CA10: variants seen among roughly 807,000 people sequenced by gnomAD.
CA10 encodes the protein carbonic anhydrase-related protein 10.
A neutral mutation model predicts 44.2 loss-of-function variants in CA10; 14 were observed. The ratio of observed to expected loss-of-function variants is 0.32; its 90% CI spans 0.21 to 0.50. The LOEUF is 0.50. Among genes scored for constraint, CA10 ranks in the 20% least tolerant of loss-of-function variants. CA10 has a pLI of 0.99. For missense variants in CA10, 350 were observed against 409.7 expected (o/e 0.85, Z 1.26); for synonymous variants, 159 against 141.6 (o/e 1.12, Z -0.87).
intron 2 of CA10, among the ~76,000 whole-genome samples, chr17:51,986,560 G>A (rs924917837): frequency 2.0e-5 from 3 of 151,836 alleles, no homozygotes; most frequent in African/African-American, 7.2e-5. Context: ...GGAAGAGTTA[G>A]CAGAGCAGAC....
intron 2 of CA10, among the ~76,000 whole-genome samples, chr17:52,060,695 T>C (rs1987359637): frequency 6.6e-6 from 1 of 152,226 alleles, no homozygotes; most frequent in South Asian, 2.1e-4. Context: ...ATCTGGCATA[T>C]AGCCTTTTAT....
intron 3 of CA10, among the ~76,000 whole-genome samples, chr17:51,924,984 C>T (rs1201349057): frequency 6.6e-6 from 1 of 152,168 alleles, no homozygotes; most frequent in Non-Finnish European, 1.5e-5. Flanking sequence ...AAATCAGCTT[C>T]TTTGAGATAA....
intron 4 of CA10, among the ~76,000 whole-genome samples, chr17:51,709,176 A>G (rs1313154424): frequency 2.0e-5 from 3 of 152,266 alleles, no homozygotes; most frequent in Admixed American, 2.0e-4. Context: ...TCTAGCAAAT[A>G]TATTTTGAGC....
At chr17:51,758,157 T>C (rs1482803015) in intron 3 of CA10, among the ~76,000 whole-genome samples, 1 of 152,176 alleles carries the variant, frequency 6.6e-6, no homozygotes, top group African/African-American at 2.4e-5. Context: ...TCAGCCTGTG[T>C]TTCCTCTGTA....
chr17:51,765,449 C>T (rs750996458), intron 3 of CA10, among the ~76,000 whole-genome samples: 4 of 152,188 alleles, frequency 2.6e-5, no homozygotes, highest in Admixed American at 6.5e-5. Context: ...ACTGCAGGGT[C>T]ACCGTCTTCC....
chr17:52,078,178 C>T (rs926129840), intron 1 of CA10, among the ~76,000 whole-genome samples: 126 of 152,256 alleles, frequency 8.3e-4, no homozygotes, highest in African/African-American at 2.9e-3. Context: ...TGCGAAATAC[C>T]TCCATTTGGA....
chr17:52,052,252 C>T (rs1204135218), intron 2 of CA10, among the ~76,000 whole-genome samples: 1 of 145,754 alleles, frequency 6.9e-6, no homozygotes, highest in Admixed American at 7.0e-5. Flanking sequence ...ACCTAGGTAA[C>T]AAACAAACCT....
rs142627919 is a variant in CA10 at position 51,788,602 on chromosome 17, C to T, written c.280-40784G>A. On this transcript the variant is annotated intron_variant, in intron 3 of 8. Coordinates refer to ENST00000451037, the MANE Select transcript of CA10 (RefSeq NM_020178.5). The stretch of plus-strand genomic sequence containing the variant: ...AAATATCACATACACTCCATAAATA[C>T]GTGCAATTATTATGTATCAGCAAAA... Among the ~76,000 whole-genome samples, 37 of 152,260 alleles carry T rather than the reference C, an allele frequency of 2.4e-4. 2 individuals carry two copies. The East Asian group carries it at 6.9e-3, about 29-fold the overall frequency.
Position 51,827,154 on chromosome 17 carries a change from C to T in CA10, c.280-79336G>A, listed in dbSNP as rs537569422. Among the ~76,000 whole-genome samples, 436 of 152,256 alleles carry T rather than the reference C, an allele frequency of 2.9e-3. 1 individual carries two copies. The highest frequency in any genetic ancestry group is 4.6e-3 in the Non-Finnish European group (313 of 68,018). ...TTACCAGTTTTGGCAAAGTGAATACCATGGAACATTCAATCTAATGGATAG... is the reference window on the plus strand; with the variant it reads ...TTACCAGTTTTGGCAAAGTGAATACTATGGAACATTCAATCTAATGGATAG... On this transcript the variant is annotated intron_variant, in intron 3 of 8. Transcript: ENST00000451037.
In CA10 at chr17:51,831,730, CAGAAAA is replaced by C. The variant is rs1436979921; in HGVS notation, c.280-83918_280-83913del. Among the ~76,000 whole-genome samples the C allele has an allele frequency of 1.4e-3, 212 of 146,212 alleles. 1 individual carries two copies. Among genetic ancestry groups the C allele is most frequent in the South Asian group, 5.7e-3 (25 of 4,388 alleles). On this transcript the variant is annotated intron_variant, in intron 3 of 8. Transcript: ENST00000451037. ...GCAGCAGCAGCAGCAGCAGCAGCAG[CAGAAAA>C]AGACCTTCCTTCCACCTTATTTTTC...
intron 1 of CA10, among the ~76,000 whole-genome samples, chr17:52,138,237 C>G (rs1989402096): frequency 6.6e-6 from 1 of 152,158 alleles, no homozygotes; most frequent in South Asian, 2.1e-4. Context: ...CTCACATCTT[C>G]TTTTTCTGAC....
chr17:51,829,482 A>T (rs1055717842), intron 3 of CA10, among the ~76,000 whole-genome samples: 9 of 152,146 alleles, frequency 5.9e-5, no homozygotes, highest in African/African-American at 2.2e-4. Flanking sequence ...AGCCATGAGG[A>T]GCTACGTTGA....
At chr17:51,649,928 G>A (rs1424547603) in intron 5 of CA10, among the ~76,000 whole-genome samples, 2 of 150,302 alleles carry the variant, frequency 1.3e-5, no homozygotes, top group Admixed American at 6.6e-5. Flanking sequence ...CATGAATTGA[G>A]TATATCATAA....
intron 3 of CA10, among the ~76,000 whole-genome samples, chr17:51,910,898 T>C (rs1005848656): frequency 5.3e-5 from 8 of 152,130 alleles, no homozygotes; most frequent in African/African-American, 1.2e-4. Flanking sequence ...AGGGGACACA[T>C]TTGGTCTGTA....
At position 51,685,571 on chromosome 17, in the gene CA10, G is replaced by A. The variant is rs148854404; in HGVS notation, c.466-31835C>T. On this transcript the variant is annotated intron_variant, in intron 4 of 8. Transcript: ENST00000451037. ...CTGAGCCTTGCAATCAAATGCAGAG[G>A]GACCCAGATCACTGAAGGACTTGGG... 1.3e-3 allele frequency among the ~76,000 whole-genome samples: 193 copies of A among 152,258 alleles called. 1 individual carries two copies. The highest frequency in any genetic ancestry group is 4.5e-3 in the African/African-American group (187 of 41,544).
intron 2 of CA10, among the ~76,000 whole-genome samples, chr17:52,056,964 G>A (rs1987246061): frequency 6.6e-6 from 1 of 151,998 alleles, no homozygotes; most frequent in Non-Finnish European, 1.5e-5. Flanking sequence ...GGAATATGTG[G>A]TACAACAGCG....
At chr17:51,849,460 C>T (rs932428581) in intron 3 of CA10, among the ~76,000 whole-genome samples, 10 of 151,606 alleles carry the variant, frequency 6.6e-5, no homozygotes, top group Non-Finnish European at 1.0e-4. Flanking sequence ...CTTTGAGTGC[C>T]TTGGATGCTG....
chr17:51,927,301 A>T (rs1390794873), intron 3 of CA10, among the ~76,000 whole-genome samples: 1 of 152,178 alleles, frequency 6.6e-6, no homozygotes, highest in East Asian at 1.9e-4. Context: ...ATTTTATTAA[A>T]TGAGTTAAAA....
At chr17:51,790,922 A>G (rs1300960713) in intron 3 of CA10, among the ~76,000 whole-genome samples, 3 of 152,224 alleles carry the variant, frequency 2.0e-5, no homozygotes, top group Non-Finnish European at 4.4e-5. Context: ...GCCAACTTGC[A>G]TGGAAGCAGC....
Sources: gnomAD v4.1 joint callset for allele counts (sites outside exome capture counted in the v4.1 genomes callset) on GRCh38, gnomAD v4.1.1 for gene constraint, MANE v1.5 for transcripts, NCBI Gene and HGNC (gene_info 2026-07-23, HGNC 2026-07-21) for gene names.